Variants in DIAPH2 observed in about 807,000 individuals in gnomAD.
DIAPH2 encodes diaphanous related formin 2.
DIAPH2 carries 35 observed loss-of-function variants against 92.7 expected under a neutral mutation model. That is an observed-to-expected ratio of 0.38 (90% confidence interval 0.29 to 0.50). The LOEUF (loss-of-function observed/expected upper bound fraction) is 0.50. Ranked by LOEUF, DIAPH2 falls within the 20% of genes least tolerant of loss-of-function variation. The pLI, the probability that DIAPH2 is intolerant of heterozygous loss-of-function variation, is 0.94. For missense variants in DIAPH2, 701 were observed against 819.5 expected, an observed-to-expected ratio of 0.86 and a Z score of 1.77; for synonymous variants, 301 against 280.4, an observed-to-expected ratio of 1.07 and a Z score of -0.73.
chrX:97,373,952 G>T (rs1049084619), intron 24 of DIAPH2, among the ~76,000 whole-genome samples: 1 of 111,047 alleles, frequency 9.0e-6, no homozygotes, highest in Non-Finnish European at 1.9e-5. Context: ...GATGAGGAGC[G>T]AGGGAGACCA....
intron 26 of DIAPH2, among the ~76,000 whole-genome samples, chrX:97,510,513 A>C (rs2070879667): frequency 1.8e-5 from 2 of 108,694 alleles, no homozygotes; most frequent in African/African-American, 3.3e-5. Flanking sequence ...CTTTAGTTTA[A>C]TTAGATCCCA....
At chrX:97,500,767 T>TAG (rs1556157380) in intron 26 of DIAPH2, among the ~76,000 whole-genome samples, 3 of 13,457 alleles carry the variant, frequency 2.2e-4, no homozygotes, top group African/African-American at 1.4e-3. Flanking sequence ...CAAGGAGATA[T>TAG]ATATATATAT....
intron 26 of DIAPH2, among the ~76,000 whole-genome samples, chrX:97,476,461 G>A (rs766259692): frequency 9.0e-6 from 1 of 111,699 alleles, no homozygotes; most frequent in Non-Finnish European, 1.9e-5. Context: ...TCTGCATCTT[G>A]CCTAATCTTA....
rs926619963 is a variant in DIAPH2 at position 97,085,186 on chromosome X, A to T, written c.2247+9925A>T. Among the ~76,000 whole-genome samples the T allele has an allele frequency of 2.7e-5, 3 of 111,928 alleles. No homozygotes were observed. In the East Asian group the frequency reaches 8.4e-4, roughly 31 times the overall value. On this transcript the variant is annotated intron_variant, in intron 19 of 26. Coordinates refer to ENST00000324765, the MANE Select transcript of DIAPH2 (RefSeq NM_006729.5). ...TATTCTATATTTAGAATCATTTAGA[A>T]TATATGAGAATATTTGAAATCATAG...
chrX:97,596,517 G>A (rs935948952), intron 26 of DIAPH2, among the ~76,000 whole-genome samples: 2 of 111,877 alleles, frequency 1.8e-5, no homozygotes, highest in African/African-American at 6.5e-5. Context: ...TTAGGAGAAT[G>A]AGACTAGTTA....
At chrX:97,328,303 C>T (rs983720419) in intron 23 of DIAPH2, among the ~76,000 whole-genome samples, 2 of 110,711 alleles carry the variant, frequency 1.8e-5, no homozygotes, top group Admixed American at 9.7e-5. Context: ...TGCATGGTGG[C>T]GCACGCCTGT....
intron 26 of DIAPH2, among the ~76,000 whole-genome samples, chrX:97,570,498 A>T (rs183773755): frequency 9.1e-6 from 1 of 109,417 alleles, no homozygotes. Context: ...GAGAGAACAA[A>T]CTGTACCAAA....
At chrX:97,223,345 C>A (rs1473262874) in intron 22 of DIAPH2, among the ~76,000 whole-genome samples, 1 of 111,230 alleles carries the variant, frequency 9.0e-6, no homozygotes, top group Non-Finnish European at 1.9e-5. Context: ...AATTTCAGGC[C>A]ACTAGTAGTG....
chrX:96,989,677 G>A (rs759006535), intron 17 of DIAPH2, among the ~76,000 whole-genome samples: 2 of 111,676 alleles, frequency 1.8e-5, no homozygotes, highest in African/African-American at 3.2e-5. Context: ...TTGGAATTGA[G>A]ATTTGCTAAC....
At chrX:97,241,317 G>A (rs193208256) in intron 22 of DIAPH2, among the ~76,000 whole-genome samples, 2,636 of 105,138 alleles carry the variant, frequency 0.025, 85 homozygotes, top group African/African-American at 0.086. Context: ...TTTTTTTCCC[G>A]AGACGGAGTC....
chrX:97,283,763 A>T (rs1044422955), intron 23 of DIAPH2, among the ~76,000 whole-genome samples: 102 of 112,015 alleles, frequency 9.1e-4, no homozygotes, highest in Non-Finnish European at 1.8e-3. Context: ...ACCAACATGG[A>T]GAAACCCTGT....
chrX:97,435,942 G>C (rs895983715), intron 26 of DIAPH2, among the ~76,000 whole-genome samples: 6 of 109,279 alleles, frequency 5.5e-5, no homozygotes, highest in African/African-American at 2.0e-4. Context: ...CAAGTAGCTG[G>C]GACTACAGGG....
chrX:96,925,933 C>T (rs770086189), intron 9 of DIAPH2, among the ~76,000 whole-genome samples: 1 of 111,962 alleles, frequency 8.9e-6, no homozygotes, highest in Non-Finnish European at 1.9e-5. Context: ...TGTACATTCA[C>T]ATCTTTCTTC....
chrX:97,225,414 C>T (rs965422842), intron 22 of DIAPH2, among the ~76,000 whole-genome samples: 2 of 111,634 alleles, frequency 1.8e-5, no homozygotes, highest in African/African-American at 6.5e-5. Flanking sequence ...TAGGATACCT[C>T]AGCTCTACAT....
At chrX:97,570,096 ATATATATATATATATATAT>A (rs2071355514) in intron 26 of DIAPH2, among the ~76,000 whole-genome samples, 2 of 30,288 alleles carry the variant, frequency 6.6e-5, no homozygotes, top group African/African-American at 2.0e-4. Flanking sequence ...ATATATATAT[ATATATATATATATATATAT>A]ATATATATTA....
At chrX:96,925,949 T>C (rs1297188737) in intron 9 of DIAPH2, among the ~76,000 whole-genome samples, 1 of 112,035 alleles carries the variant, frequency 8.9e-6, no homozygotes, top group Non-Finnish European at 1.9e-5. Context: ...TCTTCTCTCA[T>C]ACTTTGACTT....
rs778235290 is a variant in DIAPH2, at chrX:97,242,498, G to A, written c.2720-5217G>A. Among the ~76,000 whole-genome samples, 8 of 109,958 alleles carry A rather than the reference G, an allele frequency of 7.3e-5. 1 individual carries two copies. The highest frequency in any genetic ancestry group is 1.3e-4 in the Non-Finnish European group (7 of 52,722). ...CCTGTCTCAGTCTCCCGAGTATCTG[G>A]GATTACAGGCGGGCACCACCATGCC... is the stretch of plus-strand genomic sequence containing the variant. On this transcript the variant is annotated intron_variant, in intron 22 of 26. Transcript: ENST00000324765.
intron 26 of DIAPH2, among the ~76,000 whole-genome samples, chrX:97,464,489 C>T: frequency 9.1e-6 from 1 of 110,080 alleles, no homozygotes; most frequent in Admixed American, 9.7e-5. Flanking sequence ...CAGTATGTTG[C>T]TTACTTCAAG....
chrX:97,245,084 C>T (rs1294266981), intron 22 of DIAPH2, among the ~76,000 whole-genome samples: 1 of 103,919 alleles, frequency 9.6e-6, no homozygotes, highest in Non-Finnish European at 2.0e-5. Context: ...AGTGAGACTC[C>T]GTCTAAAAAA....
Sources: gnomAD v4.1 joint callset for allele counts (sites outside exome capture counted in the v4.1 genomes callset) on GRCh38, gnomAD v4.1.1 for gene constraint, MANE v1.5 for transcripts, NCBI Gene and HGNC (gene_info 2026-07-23, HGNC 2026-07-21) for gene names.